The following GATAD2B variants were observed in gnomAD, a reference collection of about 807,000 sequenced individuals.
GATAD2B encodes transcriptional repressor p66-beta.
GATAD2B carries 8 observed loss-of-function variants against 64.3 expected under a neutral mutation model. The ratio of observed to expected loss-of-function variants is 0.12; its 90% CI spans 0.07 to 0.22. The LOEUF is 0.22. Among genes scored for constraint, GATAD2B ranks in the 10% least tolerant of loss-of-function variants. The pLI is 1.00. For synonymous variants in GATAD2B, 281 were observed against 271.3 expected, an observed-to-expected ratio of 1.04 and a Z score of -0.35; for missense variants, 453 against 752.0, an observed-to-expected ratio of 0.60 and a Z score of 4.65.
rs1674614074 is a variant in GATAD2B at position 153,819,815 on chromosome 1, GGGGC to G, written c.336-84_336-81del. The G allele has an allele frequency of 3.8e-6, 5 of 1,319,174 alleles. No homozygotes were observed. In the East Asian group the frequency reaches 1.2e-4, roughly 32 times the overall value. 81.7% of individuals were successfully genotyped at this position (1,319,174 alleles called of 1,614,324 possible). A position where few individuals can be genotyped will look rare whatever the true frequency, so the allele number is the denominator to read the frequency against. On this transcript the variant is annotated intron_variant, in intron 2 of 10. Transcript: ENST00000368655. ...TATGCTGAATTAAAAAAATCCAAGG[GGGGC>G]CGGGTGCGGTGGCTCACTCCTGTAA... is the stretch of plus-strand genomic sequence containing the variant.
intron 1 of GATAD2B, among the ~76,000 whole-genome samples, chr1:153,892,586 T>C (rs964563911): frequency 5.9e-5 from 9 of 152,028 alleles, no homozygotes; most frequent in African/African-American, 2.2e-4. Context: ...GATATGCCAA[T>C]GTGAAATTCT....
chr1:153,819,490 C>T, intron 3 of GATAD2B, 116 bp downstream of exon 3: 2 of 714,752 alleles, frequency 2.8e-6, no homozygotes, highest in South Asian at 4.7e-5. Context: ...AAGTTTTCAT[C>T]AATGGGTATT....
At position 153,922,914 on chromosome 1, in the gene GATAD2B, G is replaced by T. The variant is rs1046657761; in HGVS notation, c.-183C>A. ...GCGGAGCAGACACTGCGGTACAGAC[G>T]GGGGCAGCGGCGGCGGCGACGGCTG... is the stretch of plus-strand genomic sequence containing the variant. On this transcript the variant is annotated 5_prime_UTR_variant, in exon 1 of 11. Coordinates refer to ENST00000368655, the MANE Select transcript of GATAD2B (RefSeq NM_020699.4). 1.9e-5 allele frequency: 3 copies of T among 156,348 alleles called. No homozygotes were observed. Among genetic ancestry groups the T allele is most frequent in the South Asian group, 1.7e-4 (1 of 5,900 alleles). The allele number at this position is 156,348 out of a possible 1,614,324, so 9.7% of individuals were successfully genotyped here.
intron 1 of GATAD2B, among the ~76,000 whole-genome samples, chr1:153,917,397 A>C (rs1032021451): frequency 5.2e-5 from 7 of 134,332 alleles, no homozygotes; most frequent in East Asian, 2.2e-4. Context: ...TGCCCCACAT[A>C]TCTTTTTTTT....
At chr1:153,871,185 G>C (rs906248703) in intron 1 of GATAD2B, among the ~76,000 whole-genome samples, 3 of 152,094 alleles carry the variant, frequency 2.0e-5, no homozygotes, top group African/African-American at 7.2e-5. Context: ...TCTTGCCTCA[G>C]CCTCCCAAGT....
intron 1 of GATAD2B, among the ~76,000 whole-genome samples, chr1:153,917,381 C>T (rs1678305463): frequency 6.7e-6 from 1 of 148,996 alleles, no homozygotes; most frequent in African/African-American, 2.5e-5. Flanking sequence ...CAGGTGTGAG[C>T]CACCATGCCC....
intron 1 of GATAD2B, among the ~76,000 whole-genome samples, chr1:153,917,852 G>T (rs901161771): frequency 6.6e-6 from 1 of 152,204 alleles, no homozygotes; most frequent in South Asian, 2.1e-4. Flanking sequence ...TAAGTCCTAT[G>T]AAAAAGAAAA....
At chr1:153,845,236 C>T (rs185243417) in intron 1 of GATAD2B, among the ~76,000 whole-genome samples, 203 of 152,066 alleles carry the variant, frequency 1.3e-3, no homozygotes, top group Middle Eastern at 3.4e-3. Flanking sequence ...CAGAAATACA[C>T]CCTAATATTT....
intron 8 of GATAD2B, among the ~76,000 whole-genome samples, chr1:153,812,829 A>C (rs1282216578): frequency 6.6e-6 from 1 of 152,200 alleles, no homozygotes; most frequent in East Asian, 1.9e-4. Context: ...TGAGATGTTC[A>C]CATACTCTAG....
At chr1:153,890,364 T>G (rs1677337326) in intron 1 of GATAD2B, among the ~76,000 whole-genome samples, 1 of 150,252 alleles carries the variant, frequency 6.7e-6, no homozygotes, top group Non-Finnish European at 1.5e-5. Flanking sequence ...GGCACGCACC[T>G]GTAGTCCCAG....
At chr1:153,863,783 C>G (rs1361264234) in intron 1 of GATAD2B, among the ~76,000 whole-genome samples, 3 of 151,942 alleles carry the variant, frequency 2.0e-5, no homozygotes, top group Non-Finnish European at 4.4e-5. Flanking sequence ...GCCACAATGC[C>G]TGGGTAATTT....
intron 1 of GATAD2B, among the ~76,000 whole-genome samples, chr1:153,837,752 T>C (rs1368420016): frequency 6.6e-6 from 1 of 152,092 alleles, no homozygotes; most frequent in Non-Finnish European, 1.5e-5. Context: ...TTAAATTATG[T>C]CCCCTATTAT....
chr1:153,847,838 T>C (rs1298786256), intron 1 of GATAD2B, among the ~76,000 whole-genome samples: 3 of 152,198 alleles, frequency 2.0e-5, no homozygotes, highest in Non-Finnish European at 1.5e-5. Context: ...TTCTGTGTAA[T>C]TTCTATTGTT....
intron 1 of GATAD2B, among the ~76,000 whole-genome samples, chr1:153,832,132 T>C (rs1365749514): frequency 6.6e-6 from 1 of 152,140 alleles, no homozygotes; most frequent in Non-Finnish European, 1.5e-5. Flanking sequence ...GGAGGATCAC[T>C]TGAACCCGGG....
At chr1:153,817,349 A>T (rs974994623) in intron 6 of GATAD2B, 23 bp downstream of exon 6, 17 of 1,506,200 alleles carry the variant, frequency 1.1e-5, no homozygotes, top group Non-Finnish European at 1.2e-5. Context: ...CTGTTTCCAC[A>T]TTAGGGCTCA....
At chr1:153,870,747 C>T (rs1403629945) in intron 1 of GATAD2B, among the ~76,000 whole-genome samples, 1 of 152,140 alleles carries the variant, frequency 6.6e-6, no homozygotes, top group Non-Finnish European at 1.5e-5. Flanking sequence ...AGGCTTGAGT[C>T]TCACCCCCAT....
intron 1 of GATAD2B, among the ~76,000 whole-genome samples, chr1:153,917,700 AC>A (rs1180279682): frequency 6.6e-6 from 1 of 152,182 alleles, no homozygotes; most frequent in Non-Finnish European, 1.5e-5. Flanking sequence ...CGGCCAACAA[AC>A]ATTTATTATT....
At position 153,818,854 on chromosome 1, in the gene GATAD2B, G is replaced by T; in HGVS notation, c.534C>A (p.Ala178=). 6.2e-7 allele frequency: 1 copy of T among 1,613,362 alleles called. No individual in the cohort carries two copies. Among genetic ancestry groups the T allele is most frequent in the South Asian group, 1.1e-5 (1 of 91,074 alleles). The change falls in exon 4 of 11, where the codon GCC becomes GCA. Residue 178 remains alanine (A), a synonymous_variant. Coordinates refer to ENST00000368655, the MANE Select transcript of GATAD2B (RefSeq NM_020699.4). ...QLRDELRLEE[A]RLVLLKKLRQ... is the part of the protein sequence containing the mutation. The stretch of plus-strand genomic sequence containing the variant: ...TCAGTTTCTTTAACAGGACCAGTCG[G>T]GCTTCTTCCAATCGTAGCTCATCCC...
chr1:153,821,720 C>T (rs1348780515), intron 2 of GATAD2B, among the ~76,000 whole-genome samples: 2 of 151,778 alleles, frequency 1.3e-5, no homozygotes, highest in Admixed American at 6.6e-5. Flanking sequence ...CCCGGCACCG[C>T]GCCTGGCTAA....
Sources: allele counts gnomAD v4.1 joint callset (sites outside exome capture counted in the v4.1 genomes callset), GRCh38; gene constraint gnomAD v4.1.1; transcripts MANE v1.5; gene names NCBI Gene and HGNC (gene_info 2026-07-23, HGNC 2026-07-21).